Variants in ZNF407 observed in about 807,000 individuals in gnomAD.
ZNF407 encodes the protein zinc finger protein 407.
ZNF407 carries 17 observed loss-of-function variants against 131.2 expected under a neutral mutation model. The ratio of observed to expected loss-of-function variants is 0.13; its 90% CI spans 0.09 to 0.19. The LOEUF (loss-of-function observed/expected upper bound fraction) is 0.19. ZNF407 is among the 10% of genes least tolerant of loss of function. The probability of loss-of-function intolerance (pLI) is 1.00; values close to 1 mark genes in which losing one functional copy is unlikely to be tolerated. For missense variants in ZNF407, 2,681 were observed against 2,830.6 expected (o/e 0.95, Z 1.20); for synonymous variants, 1,156 against 1,062.0 (o/e 1.09, Z -1.72).
At chr18:75,060,545 G>A (rs1321084519) in intron 8 of ZNF407, among the ~76,000 whole-genome samples, 12 of 126,126 alleles carry the variant, frequency 9.5e-5, no homozygotes, top group African/African-American at 1.8e-4. Flanking sequence ...TCGCTCTGTC[G>A]CCCAGGCTGG....
In ZNF407 at chr18:74,922,967, G is replaced by T. The variant is rs552491252; in HGVS notation, c.5428+2275G>T. 6.4e-4 allele frequency among the ~76,000 whole-genome samples: 98 copies of T among 152,310 alleles called. 5 individuals carry two copies. The South Asian group carries it at 0.018, about 28-fold the overall frequency. On this transcript the variant is annotated intron_variant, in intron 8 of 8. Transcript: ENST00000299687. The stretch of plus-strand genomic sequence containing the variant: ...GATAGTGATGCCTACCACACAGAAT[G>T]TGTGTGCCATCTAAATGGGATCATT...
At chr18:74,630,450 T>C (rs12968225) in intron 1 of ZNF407, among the ~76,000 whole-genome samples, 30,210 of 152,120 alleles carry the variant, frequency 0.2, 3,847 homozygotes, top group African/African-American at 0.37. Context: ...GCACTACAGG[T>C]GTGAGCCACC....
chr18:74,816,277 C>T (rs1336714188), intron 4 of ZNF407, among the ~76,000 whole-genome samples: 4 of 152,090 alleles, frequency 2.6e-5, no homozygotes, highest in Non-Finnish European at 5.9e-5. Context: ...GGTTCATTTT[C>T]TGAAAGAGCT....
chr18:74,983,117 AT>A (rs1478624846), intron 8 of ZNF407, among the ~76,000 whole-genome samples: 1 of 152,192 alleles, frequency 6.6e-6, no homozygotes, highest in East Asian at 1.9e-4. Flanking sequence ...ACACTTTCCT[AT>A]TGTTTTAATA....
At chr18:74,924,924 C>A (rs766408160) in intron 8 of ZNF407, among the ~76,000 whole-genome samples, 1 of 152,108 alleles carries the variant, frequency 6.6e-6, no homozygotes, top group Non-Finnish European at 1.5e-5. Flanking sequence ...GGAAGACCCA[C>A]GGGTAGTGTG....
intron 3 of ZNF407, among the ~76,000 whole-genome samples, chr18:74,757,275 A>G (rs984577564): frequency 1.3e-5 from 2 of 151,996 alleles, no homozygotes; most frequent in African/African-American, 2.4e-5. Flanking sequence ...TTTTTAATAT[A>G]CAGATGTTTA....
At chr18:74,893,146 G>A (rs1599225426) in intron 7 of ZNF407, among the ~76,000 whole-genome samples, 1 of 152,264 alleles carries the variant, frequency 6.6e-6, no homozygotes, top group East Asian at 1.9e-4. Context: ...ATTTGAGCCA[G>A]CTGGATCCCA....
intron 3 of ZNF407, among the ~76,000 whole-genome samples, chr18:74,748,243 T>C (rs898978856): frequency 6.6e-6 from 1 of 151,966 alleles, no homozygotes; most frequent in African/African-American, 2.4e-5. Context: ...TTTTCAGAGA[T>C]GATAAAGTTT....
At chr18:74,956,225 C>G (rs1272147051) in intron 8 of ZNF407, among the ~76,000 whole-genome samples, 1 of 151,896 alleles carries the variant, frequency 6.6e-6, no homozygotes, top group African/African-American at 2.4e-5. Flanking sequence ...TGTCACATCC[C>G]CACTTCCTCA....
intron 8 of ZNF407, among the ~76,000 whole-genome samples, chr18:75,019,281 A>G (rs905716144): frequency 1.3e-5 from 2 of 152,166 alleles, no homozygotes; most frequent in Non-Finnish European, 2.9e-5. Context: ...AATTAAGGTA[A>G]GATTTTGTGA....
In ZNF407 at chr18:75,032,131, G is replaced by T. The variant is rs1973247986; in HGVS notation, c.5429-31019G>T. Among the ~76,000 whole-genome samples, 2 of 152,122 alleles carry T rather than the reference G, an allele frequency of 1.3e-5. 1 individual carries two copies. The highest frequency in any genetic ancestry group is 4.2e-4 in the South Asian group (2 of 4,816). On this transcript the variant is annotated intron_variant, in intron 8 of 8. Transcript: ENST00000299687. Reference sequence around the variant, plus strand: ...ACCCGAGAGCTCCCCCCACACTGAGGGGTTGGTTTTCTTCTGGTTCCCCTG... The same window carrying T: ...ACCCGAGAGCTCCCCCCACACTGAGTGGTTGGTTTTCTTCTGGTTCCCCTG...
chr18:74,703,035 T>G lies in ZNF407; in HGVS notation c.4802+61913T>G, dbSNP rs1011243027. Among the ~76,000 whole-genome samples, 1 of 152,220 alleles carries G rather than the reference T, an allele frequency of 6.6e-6. No individual in the cohort carries two copies. The highest frequency in any genetic ancestry group is 1.5e-5 in the Non-Finnish European group (1 of 68,034). On this transcript the variant is annotated intron_variant, in intron 3 of 8. Transcript: ENST00000299687. This position sits in a 1 kb window ranked among gnomAD's most constrained non-coding sequence, Gnocchi z 4.1. ...GTTTCCATAGAATTTGGGGCTCTTC[T>G]TCCAGGAGCATAACTTACACATGCC... is the stretch of plus-strand genomic sequence containing the variant.
At chr18:74,615,952 C>T (rs967077780) in intron 1 of ZNF407, among the ~76,000 whole-genome samples, 4 of 152,002 alleles carry the variant, frequency 2.6e-5, no homozygotes, top group African/African-American at 9.7e-5. Flanking sequence ...CAGCTTCCGC[C>T]TCCCGGGTTC....
chr18:74,814,657 T>A (rs1274086257), intron 4 of ZNF407, among the ~76,000 whole-genome samples: 5 of 152,190 alleles, frequency 3.3e-5, no homozygotes, highest in Admixed American at 2.0e-4. Flanking sequence ...CATATTTTTT[T>A]ATCAGGAAGG....
chr18:74,908,577 A>G (rs1446051681), intron 7 of ZNF407, among the ~76,000 whole-genome samples: 8 of 152,226 alleles, frequency 5.3e-5, no homozygotes, highest in Admixed American at 5.2e-4. Context: ...AACATCGTTG[A>G]TAACATGTTC....
intron 8 of ZNF407, among the ~76,000 whole-genome samples, chr18:74,923,484 G>A (rs1971873305): frequency 1.3e-5 from 2 of 152,170 alleles, no homozygotes; most frequent in South Asian, 4.2e-4. Flanking sequence ...AGAATACTTG[G>A]CACCAGTGGT....
chr18:74,752,650 G>A (rs1245933839), intron 3 of ZNF407, among the ~76,000 whole-genome samples: 9 of 152,146 alleles, frequency 5.9e-5, no homozygotes, highest in East Asian at 3.9e-4. Flanking sequence ...CCCATTTCTC[G>A]TTTTTGTCAG....
At chr18:74,616,378 T>C (rs1983289472) in intron 1 of ZNF407, among the ~76,000 whole-genome samples, 1 of 152,194 alleles carries the variant, frequency 6.6e-6, no homozygotes, top group Non-Finnish European at 1.5e-5. Flanking sequence ...GATGTCTTCA[T>C]GGTGACTAAG....
At chr18:75,026,899 T>G (rs11873473) in intron 8 of ZNF407, among the ~76,000 whole-genome samples, 4 of 152,058 alleles carry the variant, frequency 2.6e-5, no homozygotes, top group African/African-American at 9.7e-5. Flanking sequence ...GAGCATCAGC[T>G]GGGTGTCAGT....
Sources: gnomAD v4.1 joint callset for allele counts (sites outside exome capture counted in the v4.1 genomes callset) on GRCh38, gnomAD v4.1.1 for gene constraint, Gnocchi (gnomAD v3.1) non-coding constraint, MANE v1.5 for transcripts, NCBI Gene and HGNC (gene_info 2026-07-23, HGNC 2026-07-21) for gene names.